INPPL1: variants seen among roughly 807,000 people sequenced by gnomAD.
The protein encoded by INPPL1 is phosphatidylinositol 3,4,5-trisphosphate 5-phosphatase 2.
Under a neutral mutation model 139.3 loss-of-function variants are expected in INPPL1, and 91 were observed. That is an observed-to-expected ratio of 0.65 (90% CI 0.55 to 0.78). The LOEUF is 0.78. Ranked by LOEUF, INPPL1 falls within the 30% of genes least tolerant of loss-of-function variation. The pLI is 0.00. For synonymous variants in INPPL1, 719 were observed against 686.6 expected (o/e 1.05, Z -0.74); for missense variants, 1,411 against 1,665.6 (o/e 0.85, Z 2.66).
In INPPL1 at chr11:72,238,178, G is replaced by C; in HGVS notation, c.3686+3G>C. On this transcript the variant is annotated splice_donor_region_variant and intron_variant, in intron 27 of 27. Transcript: ENST00000298229. Reference sequence around the variant, plus strand: ...TGGGACGACCTGGAGTTTCTCAGGTGGGGGAGGGGCTGGCCCCGGGGGCGG... The same window carrying C: ...TGGGACGACCTGGAGTTTCTCAGGTCGGGGAGGGGCTGGCCCCGGGGGCGG... 4 of 1,607,294 alleles carry C rather than the reference G, an allele frequency of 2.5e-6. No individual in the cohort carries two copies. The highest frequency in any genetic ancestry group is 2.2e-5 in the East Asian group (1 of 44,758).
chr11:72,235,980 C>T lies in INPPL1; in HGVS notation c.2873C>T (p.Thr958Ile), dbSNP rs768989262. 9 of 1,582,600 alleles carry T rather than the reference C, an allele frequency of 5.7e-6. No homozygotes were observed. In the Admixed American group the frequency reaches 1.6e-4, roughly 28 times the overall value. ...PRAAPREEPL[T>I]PRLKPEGAPE... ...GCAGCTCCCCGGGAGGAGCCCTTGA[C>T]CCCCAGGTGAGAGGAGGAACCTGTC... The change falls in exon 25 of 28, where the codon ACC becomes ATC. Residue 958 changes from threonine to isoleucine, a missense_variant. Around this residue, in one of 5 missense-constraint regions of INPPL1, gnomAD observed 438 missense variants for 425.7 expected, o/e 1.03. Coordinates refer to ENST00000298229, the MANE Select transcript of INPPL1 (RefSeq NM_001567.4). The surrounding 1 kb of genome is among the most constrained non-coding windows in gnomAD (Gnocchi z 4.9).
chr11:72,232,654 C>A lies in INPPL1; in HGVS notation c.1741C>A (p.Arg581=). 1 of 1,613,958 alleles carries A rather than the reference C, an allele frequency of 6.2e-7. No individual in the cohort carries two copies. The highest frequency in any genetic ancestry group is 8.5e-7 in the Non-Finnish European group (1 of 1,180,008). ...GAACCAAAACTACTTGGACATCCTG[C>A]GGCTGCTCTCGCTGGGCGACCGGCA... ...RRNQNYLDIL[R]LLSLGDRQLN... Residue 581 remains arginine (R), a synonymous_variant, in exon 15 of 28, where the codon CGG becomes AGG. Coordinates refer to ENST00000298229, the MANE Select transcript of INPPL1 (RefSeq NM_001567.4).
intron 1 of INPPL1, among the ~76,000 whole-genome samples, chr11:72,226,424 A>C (rs988723133): frequency 6.6e-6 from 1 of 151,900 alleles, no homozygotes; most frequent in Non-Finnish European, 1.5e-5. Context: ...CAAGTGATCC[A>C]CCTGCCCCGG....
chr11:72,229,441 C>G, intron 5 of INPPL1, 24 bp from the exon 6 acceptor site: 1 of 1,610,064 alleles, frequency 6.2e-7, no homozygotes, highest in Non-Finnish European at 8.5e-7. Context: ...GGTGGGAGTT[C>G]TTTTGATCTG....
chr11:72,229,014 TCTC>T, intron 4 of INPPL1, 73 bp from the exon 5 acceptor site: 1 of 1,535,946 alleles, frequency 6.5e-7, no homozygotes, highest in Non-Finnish European at 8.8e-7. Flanking sequence ...ACAGGTACTA[TCTC>T]CTCTAGGGAT....
upstream of INPPL1, chr11:72,223,653 G>T (rs1591263924): frequency 6.6e-6 from 1 of 152,202 alleles, no homozygotes; most frequent in Non-Finnish European, 1.5e-5. Flanking sequence ...CAGGCCCGGT[G>T]CCGAGCGCGG....
chr11:72,235,579 C>G lies in INPPL1; in HGVS notation c.2660-96C>G. The G allele has an allele frequency of 6.4e-7, 1 of 1,573,712 alleles. No individual in the cohort carries two copies. The highest frequency in any genetic ancestry group is 1.7e-4 in the Middle Eastern group (1 of 5,894). On this transcript the variant is annotated intron_variant, in intron 23 of 27. Coordinates refer to ENST00000298229, the MANE Select transcript of INPPL1 (RefSeq NM_001567.4). The surrounding 1 kb of genome is among the most constrained non-coding windows in gnomAD (Gnocchi z 4.9). Reference sequence around the variant, plus strand: ...AGCCACAGCTGGGAATAGTCCTGCCCCAAGGCATAGCTGGGAAAGGGCTGG... The same window carrying G: ...AGCCACAGCTGGGAATAGTCCTGCCGCAAGGCATAGCTGGGAAAGGGCTGG...
chr11:72,231,470 C>T (rs1459413766), intron 12 of INPPL1, 28 bp from the exon 13 acceptor site: 2 of 1,489,644 alleles, frequency 1.3e-6, no homozygotes, highest in African/African-American at 1.4e-5. Context: ...TGCAGCAGGG[C>T]AGTGGTGACC....
At position 72,229,660 on chromosome 11, in the gene INPPL1, C is replaced by CAG. The variant is rs1948775707; in HGVS notation, c.754-1_754dup. 6.2e-7 allele frequency: 1 copy of CAG among 1,613,810 alleles called. No homozygotes were observed. On this transcript the variant is annotated splice_region_variant and splice_polypyrimidine_tract_variant and intron_variant, in intron 6 of 27. Transcript: ENST00000298229. The stretch of plus-strand genomic sequence containing the variant: ...GTACAAGCCTGGTTCTTCCTCCCCC[C>CAG]AGAACCTGCCACAGACAGGGGAGCA...
chr11:72,236,620 G>C (rs1473084071), intron 25 of INPPL1, among the ~76,000 whole-genome samples: 1 of 152,172 alleles, frequency 6.6e-6, no homozygotes, highest in Non-Finnish European at 1.5e-5. Flanking sequence ...AATTATATCC[G>C]ATTGTTGCTT....
intron 13 of INPPL1, 79 bp downstream of exon 13, chr11:72,231,694 G>A: frequency 9.5e-7 from 1 of 1,049,818 alleles, no homozygotes; most frequent in Non-Finnish European, 1.5e-6. Context: ...GCCTAGGATT[G>A]CCCCATTTTT....
rs760925109 is a variant in INPPL1 at position 72,237,703 on chromosome 11, G to GC, written c.3466dup (p.Arg1156ProfsTer59). On this transcript the variant is annotated frameshift_variant, in exon 26 of 28. Transcript: ENST00000298229. LOFTEE classifies it high-confidence loss of function. Reference sequence around the variant, plus strand: ...TCCTCCCAGGCCCCCTGGAGCTGCAGCCCCCCCGGGGACTGCCCTCGGACT... The same window carrying GC: ...TCCTCCCAGGCCCCCTGGAGCTGCAGCCCCCCCCGGGGACTGCCCTCGGACT... 3.6e-5 allele frequency: 58 copies of GC among 1,611,092 alleles called. No individual in the cohort carries two copies. The highest frequency in any genetic ancestry group is 6.7e-5 in the East Asian group (3 of 44,850).
chr11:72,226,177 C>CTTTTT (rs772547413), intron 1 of INPPL1, among the ~76,000 whole-genome samples: 2 of 129,820 alleles, frequency 1.5e-5, no homozygotes, highest in Non-Finnish European at 3.3e-5. Flanking sequence ...CAGGGGAGAC[C>CTTTTT]TTTTTTTTTT....
At chr11:72,230,589 AG>A in intron 10 of INPPL1, 121 bp downstream of exon 10, 1 of 1,007,824 alleles carries the variant, frequency 9.9e-7, no homozygotes, top group South Asian at 1.4e-5. Context: ...TGGCAGGGGT[AG>A]GTCTGACAGG....
rs756299036 is a variant in INPPL1, at chr11:72,237,571, C to A, written c.3327C>A (p.Phe1109Leu). ...LPPGPSPAST[F>L]LGEVASGDDR... ...CAGGCCCCTCACCAGCCAGCACTTTCCTGGGGGAAGTGGCCAGTGGGGATG... is the reference window on the plus strand; with the variant it reads ...CAGGCCCCTCACCAGCCAGCACTTTACTGGGGGAAGTGGCCAGTGGGGATG... Residue 1109 changes from phenylalanine (F) to leucine (L), a missense_variant, in exon 26 of 28, where the codon TTC (phenylalanine) becomes TTA (leucine). This residue lies in a region of INPPL1 where 438 missense variants were observed against 425.7 expected (regional missense o/e 1.03). Transcript: ENST00000298229. 1.1e-5 allele frequency: 17 copies of A among 1,598,236 alleles called. No individual in the cohort carries two copies. The highest frequency in any genetic ancestry group is 1.4e-5 in the Non-Finnish European group (16 of 1,169,692).
At chr11:72,231,657 C>T (rs1382653808) in intron 13 of INPPL1, 42 bp downstream of exon 13, 4 of 1,370,714 alleles carry the variant, frequency 2.9e-6, no homozygotes, top group Non-Finnish European at 4.2e-6. Context: ...CAGCGTCTCT[C>T]TGTCCATGGC....
At position 72,224,852 on chromosome 11, in the gene INPPL1, C is replaced by G. The variant is rs1011661286; in HGVS notation, c.-133C>G. 5 of 543,248 alleles carry G rather than the reference C, an allele frequency of 9.2e-6. No homozygotes were observed. Among genetic ancestry groups the G allele is most frequent in the African/African-American group, 4.1e-5 (2 of 48,596 alleles). The allele number at this position is 543,248 out of a possible 1,614,324, so 33.7% of individuals were successfully genotyped here. On this transcript the variant is annotated 5_prime_UTR_variant, in exon 1 of 28. Transcript: ENST00000298229. ...GCCTGCGCGGCGGAGTGCTGAGTCC[C>G]GATCCCCGGCTCTGTCCGGCCCACG...
In INPPL1 at chr11:72,229,095, CCAATGGGCTGAGCACCGTCTCGCA is replaced by C; in HGVS notation, c.526_549del (p.Asn176_His183del). On this transcript the variant is annotated inframe_deletion, in exon 5 of 28. Coordinates refer to ENST00000298229, the MANE Select transcript of INPPL1 (RefSeq NM_001567.4). ...TTCTTAACCCCTCCCCAAAGTGCTC[CCAATGGGCTGAGCACCGTCTCGCA>C]CGACTACCTGAAAGGCAGCTATGGG... The C allele has an allele frequency of 6.2e-7, 1 of 1,609,182 alleles. No homozygotes were observed. The highest frequency in any genetic ancestry group is 8.5e-7 in the Non-Finnish European group (1 of 1,177,034).
chr11:72,237,894 C>T (rs769400141), intron 26 of INPPL1, 98 bp downstream of exon 26: 40 of 1,444,532 alleles, frequency 2.8e-5, no homozygotes, highest in Non-Finnish European at 3.6e-5. Flanking sequence ...GGTGTCCCTG[C>T]TACCCTGAAC....
Sources: allele counts gnomAD v4.1 joint callset (sites outside exome capture counted in the v4.1 genomes callset), GRCh38; gene constraint gnomAD v4.1.1; regional missense constraint gnomAD v4.1.1; non-coding constraint Gnocchi (gnomAD v3.1); transcripts MANE v1.5; gene names NCBI Gene and HGNC (gene_info 2026-07-23, HGNC 2026-07-21).